Variants in KLB observed in about 807,000 individuals in gnomAD.
The protein encoded by KLB is beta-klotho.
In KLB, 44 loss-of-function variants were observed where a neutral mutation model predicts 88.4. The observed-to-expected ratio is 0.50, with a 90% CI of 0.39 to 0.64. The LOEUF (loss-of-function observed/expected upper bound fraction) is 0.64, where lower values mean the gene tolerates loss of function less well. Among genes scored for constraint, KLB ranks in the 30% least tolerant of loss-of-function variants. KLB has a pLI of 0.00. For missense variants in KLB, 1,137 were observed against 1,304.8 expected, an observed-to-expected ratio of 0.87 and a Z score of 1.98; for synonymous variants, 548 against 513.4, an observed-to-expected ratio of 1.07 and a Z score of -0.91.
chr4:39,415,022 C>T (rs1441884525), intron 1 of KLB, among the ~76,000 whole-genome samples: 2 of 151,898 alleles, frequency 1.3e-5, no homozygotes, highest in African/African-American at 4.8e-5. Flanking sequence ...GAGTGATTCT[C>T]CTGCCTCAGC....
At chr4:39,423,673 TAATAGGCATTCATTCAACA>T (rs1743136072) in intron 1 of KLB, among the ~76,000 whole-genome samples, 1 of 151,740 alleles carries the variant, frequency 6.6e-6, no homozygotes, top group South Asian at 2.1e-4. Context: ...AGCTGATCCA[TAATAGGCATTCATTCAACA>T]AATATTCTAG....
At position 39,448,285 on chromosome 4, in the gene KLB, T is replaced by G; in HGVS notation, c.2750-16T>G. The G allele has an allele frequency of 6.5e-7, 1 of 1,532,068 alleles. No homozygotes were observed. Among genetic ancestry groups the G allele is most frequent in the Non-Finnish European group, 8.8e-7 (1 of 1,134,998 alleles). 94.9% of individuals were successfully genotyped at this position (1,532,068 alleles called of 1,614,324 possible). On this transcript the variant is annotated splice_polypyrimidine_tract_variant and intron_variant, in intron 4 of 4. Coordinates refer to ENST00000257408, the MANE Select transcript of KLB (RefSeq NM_175737.4). Reference sequence around the variant, plus strand: ...TAGTCCATTTGTGATTAATGTTAATTTCTTATCTTTTTCAGCATACCTGAT... The same window carrying G: ...TAGTCCATTTGTGATTAATGTTAATGTCTTATCTTTTTCAGCATACCTGAT...
At chr4:39,441,567 C>G (rs568214046) in intron 3 of KLB, 1 of 152,180 alleles carries the variant, frequency 6.6e-6, no homozygotes, top group South Asian at 2.1e-4. Flanking sequence ...TCAGGAAAAG[C>G]AGTTCTGTGA....
chr4:39,431,527 A>G (rs1355700813), intron 1 of KLB, among the ~76,000 whole-genome samples: 3 of 152,230 alleles, frequency 2.0e-5, no homozygotes, highest in African/African-American at 7.2e-5. Context: ...CTGGGATTAC[A>G]GGCATGAGCC....
intron 1 of KLB, among the ~76,000 whole-genome samples, chr4:39,425,660 T>C (rs1336982466): frequency 1.3e-5 from 2 of 152,096 alleles, no homozygotes; most frequent in Non-Finnish European, 2.9e-5. Context: ...AGGCTGGTCT[T>C]AAAACTCCTG....
intron 1 of KLB, among the ~76,000 whole-genome samples, chr4:39,411,675 G>A (rs1432596674): frequency 1.3e-5 from 2 of 151,744 alleles, no homozygotes; most frequent in East Asian, 3.9e-4. Flanking sequence ...GTGAGCCACT[G>A]CTCCTGGCCC....
intron 4 of KLB, among the ~76,000 whole-genome samples, chr4:39,447,999 C>A (rs890779785): frequency 2.9e-4 from 44 of 152,268 alleles, no homozygotes; most frequent in African/African-American, 9.9e-4. Flanking sequence ...CTGCTTGTGA[C>A]CCTTTAAACA....
chr4:39,416,877 T>C (rs1158507170), intron 1 of KLB, among the ~76,000 whole-genome samples: 4 of 152,204 alleles, frequency 2.6e-5, no homozygotes, highest in Admixed American at 2.0e-4. Context: ...CTGCTGCAAC[T>C]GCTTTCTTGA....
At position 39,446,725 on chromosome 4, in the gene KLB, GC is replaced by G. The variant is rs750172498; in HGVS notation, c.2001del (p.Glu668ArgfsTer18). On this transcript the variant is annotated frameshift_variant, in exon 4 of 5. Coordinates refer to ENST00000257408, the MANE Select transcript of KLB (RefSeq NM_175737.4). LOFTEE classifies it high-confidence loss of function. The surrounding 1 kb of genome is among the most constrained non-coding windows in gnomAD (Gnocchi z 6.4). The stretch of plus-strand genomic sequence containing the variant: ...CGACGGGTGGCTGAACCCATCGACG[GC>G]CGAGGCCTTCCAGGCCTACGCTGGG... ...HADGWLNPST[A>X]EAFQAYAGLC... is the part of the protein sequence containing the mutation. 4 of 1,606,350 alleles carry G rather than the reference GC, an allele frequency of 2.5e-6. No individual in the cohort carries two copies. Among genetic ancestry groups the G allele is most frequent in the Non-Finnish European group, 3.4e-6 (4 of 1,175,544 alleles).
chr4:39,432,016 G>A (rs1337483526), intron 1 of KLB, among the ~76,000 whole-genome samples: 1 of 152,244 alleles, frequency 6.6e-6, no homozygotes, highest in Non-Finnish European at 1.5e-5. Flanking sequence ...GCCGGGTGCA[G>A]TGGCTCACGC....
rs764406039 is a variant in KLB, at chr4:39,446,773, G to T, written c.2047G>T (p.Asp683Tyr). ...TGGGCTGTGCTTCCAGGAGCTGGGG[G>T]ACCTGGTGAAGCTCTGGATCACCAT... ...YAGLCFQELGDLVKLWITINE... is the reference protein window; with the variant it reads ...YAGLCFQELGYLVKLWITINE... The change falls in exon 4 of 5, where the codon GAC becomes TAC. Residue 683 changes from aspartate to tyrosine, a missense_variant. Physicochemically the swap from Asp to Tyr is radical, Grantham distance 160 (BLOSUM62 -3). Around this residue, in one of 4 missense-constraint regions of KLB, gnomAD observed 597 missense variants for 765.2 expected, o/e 0.78. Transcript: ENST00000257408. This position sits in a 1 kb window ranked among gnomAD's most constrained non-coding sequence, Gnocchi z 6.4. 2 of 1,609,018 alleles carry T rather than the reference G, an allele frequency of 1.2e-6. No homozygotes were observed. The highest frequency in any genetic ancestry group is 1.7e-6 in the Non-Finnish European group (2 of 1,177,776).
Position 39,407,673 on chromosome 4 carries a change from C to A in KLB, c.724C>A (p.Pro242Thr). 6.2e-7 allele frequency: 1 copy of A among 1,614,034 alleles called. No individual in the cohort carries two copies. The highest frequency in any genetic ancestry group is 8.5e-7 in the Non-Finnish European group (1 of 1,179,956). Residue 242 changes from proline (P) to threonine (T), a missense_variant, in exon 1 of 5, where the codon CCA (proline) becomes ACA (threonine). Pro to Thr is a conservative substitution (Grantham distance 38). Coordinates refer to ENST00000257408, the MANE Select transcript of KLB (RefSeq NM_175737.4). ...RVKYWITIHN[P>T]YLVAWHGYGT... ...CAAATATTGGATTACAATTCACAAC[C>A]CATATCTAGTGGCTTGGCATGGGTA... is the stretch of plus-strand genomic sequence containing the variant.
chr4:39,439,699 T>C (rs1325730435), intron 3 of KLB, among the ~76,000 whole-genome samples: 1 of 150,320 alleles, frequency 6.7e-6, no homozygotes, highest in East Asian at 2.0e-4. Context: ...TTATTCTTGT[T>C]GCTCATCGCC....
intron 1 of KLB, among the ~76,000 whole-genome samples, chr4:39,411,548 C>G (rs1471530979): frequency 6.7e-6 from 1 of 148,874 alleles, no homozygotes; most frequent in Admixed American, 6.7e-5. Context: ...AAGACAGAGT[C>G]TCACTCTGTC....
At chr4:39,415,441 C>T (rs1476758490) in intron 1 of KLB, among the ~76,000 whole-genome samples, 2 of 151,988 alleles carry the variant, frequency 1.3e-5, no homozygotes, top group Admixed American at 1.3e-4. Context: ...CTGCAGTGAG[C>T]TGTGATCATG....
chr4:39,418,685 C>T (rs1356764410), intron 1 of KLB, among the ~76,000 whole-genome samples: 1 of 151,738 alleles, frequency 6.6e-6, no homozygotes, highest in East Asian at 1.9e-4. Flanking sequence ...CAGTGACTCA[C>T]CTCTGTAATC....
intron 1 of KLB, among the ~76,000 whole-genome samples, chr4:39,429,133 T>G (rs1322007621): frequency 2.0e-5 from 3 of 152,250 alleles, no homozygotes; most frequent in Admixed American, 2.0e-4. Context: ...TATTTAATAG[T>G]CTATTAAATA....
chr4:39,445,316 A>C (rs962590709), intron 3 of KLB, among the ~76,000 whole-genome samples: 1 of 152,100 alleles, frequency 6.6e-6, no homozygotes, highest in African/African-American at 2.4e-5. Context: ...TCCTTCGTGG[A>C]GAGACACAGA....
chr4:39,443,771 AAAAAAAG>A (rs1329775211), intron 3 of KLB, among the ~76,000 whole-genome samples: 18 of 151,272 alleles, frequency 1.2e-4, no homozygotes, highest in East Asian at 1.9e-4. Flanking sequence ...AAAAAAAAAA[AAAAAAAG>A]AAAAAAGAAG....
Sources: gnomAD v4.1 joint callset for allele counts (sites outside exome capture counted in the v4.1 genomes callset) on GRCh38, gnomAD v4.1.1 for gene constraint, gnomAD v4.1.1 regional missense constraint, Gnocchi (gnomAD v3.1) non-coding constraint, MANE v1.5 for transcripts, NCBI Gene and HGNC (gene_info 2026-07-23, HGNC 2026-07-21) for gene names.